The following PPME1 variants were observed in gnomAD, a reference collection of about 807,000 sequenced individuals.
PPME1 encodes the protein testicular secretory protein Li 39.
In PPME1, 17 loss-of-function variants were observed where a neutral mutation model predicts 56.9. The observed-to-expected ratio is 0.30, with a 90% CI of 0.20 to 0.45. The LOEUF (loss-of-function observed/expected upper bound fraction) is 0.45. Ranked by LOEUF, PPME1 falls within the 20% of genes least tolerant of loss-of-function variation. The pLI is 1.00. For missense variants in PPME1, 357 were observed against 483.2 expected (o/e 0.74, Z 2.45); for synonymous variants, 122 against 156.2 (o/e 0.78, Z 1.63).
At chr11:74,173,178 A>G (rs1269640933) in intron 1 of PPME1, among the ~76,000 whole-genome samples, 1 of 152,232 alleles carries the variant, frequency 6.6e-6, no homozygotes, top group Non-Finnish European at 1.5e-5. Context: ...AAGTTGGACT[A>G]TAACATGAAT....
intron 1 of PPME1, chr11:74,198,942 T>C (rs578108814): frequency 6.6e-6 from 1 of 152,306 alleles, no homozygotes; most frequent in African/African-American, 2.4e-5. Context: ...AAAGAACATA[T>C]ATTCCCCATT....
At chr11:74,190,699 T>C (rs1278268913) in intron 1 of PPME1, among the ~76,000 whole-genome samples, 4 of 151,984 alleles carry the variant, frequency 2.6e-5, no homozygotes, top group African/African-American at 9.7e-5. Context: ...CGGGCAGAGG[T>C]TGGAAGAGTT....
chr11:74,191,266 G>A (rs1857829861), intron 1 of PPME1, among the ~76,000 whole-genome samples: 1 of 152,210 alleles, frequency 6.6e-6, no homozygotes, highest in African/African-American at 2.4e-5. Flanking sequence ...CTGAAGTCTG[G>A]GAGATTGAAG....
chr11:74,245,128 A>G (rs76605269), intron 9 of PPME1, among the ~76,000 whole-genome samples: 9,299 of 151,894 alleles, frequency 0.061, 490 homozygotes, highest in African/African-American at 0.14. Flanking sequence ...GAGTTCTCCA[A>G]TTTTGTTCTT....
chr11:74,171,660 A>G, intron 1 of PPME1, 138 bp downstream of exon 1: 1 of 1,142,568 alleles, frequency 8.8e-7, no homozygotes, highest in Non-Finnish European at 1.2e-6. Context: ...ATTTAGATGG[A>G]GTAGAAGGCA....
intron 9 of PPME1, among the ~76,000 whole-genome samples, chr11:74,245,002 T>C (rs1306282730): frequency 6.6e-6 from 1 of 152,210 alleles, no homozygotes; most frequent in Admixed American, 6.5e-5. Flanking sequence ...CAAAAATCAT[T>C]TGACTATTTA....
chr11:74,213,605 C>T (rs1858538616), intron 3 of PPME1, among the ~76,000 whole-genome samples: 1 of 152,208 alleles, frequency 6.6e-6, no homozygotes, highest in Non-Finnish European at 1.5e-5. Flanking sequence ...TGTGTCACTC[C>T]ACCCCCAGCT....
chr11:74,251,173 G>T, intron 12 of PPME1, 155 bp downstream of exon 12: 1 of 1,465,794 alleles, frequency 6.8e-7, no homozygotes, highest in Non-Finnish European at 9.0e-7. Flanking sequence ...ACTTCTCCCT[G>T]GCAGCTGCTT....
chr11:74,213,573 T>A (rs1379545056), intron 3 of PPME1, among the ~76,000 whole-genome samples: 1 of 152,228 alleles, frequency 6.6e-6, no homozygotes, highest in Non-Finnish European at 1.5e-5. Flanking sequence ...ACAGTCCTAG[T>A]GCTGGTGGCC....
intron 1 of PPME1, among the ~76,000 whole-genome samples, chr11:74,199,786 G>T (rs1858099839): frequency 6.6e-6 from 1 of 152,202 alleles, no homozygotes; most frequent in Non-Finnish European, 1.5e-5. Context: ...AATCATGGTG[G>T]AAGGAAATAG....
chr11:74,207,074 G>T (rs1858347639), intron 3 of PPME1, among the ~76,000 whole-genome samples: 1 of 152,152 alleles, frequency 6.6e-6, no homozygotes, highest in South Asian at 2.1e-4. Flanking sequence ...TTTCTTTGAA[G>T]ACTGCTTTTA....
At chr11:74,239,029 T>C in intron 8 of PPME1, 104 bp from the exon 9 acceptor site, 1 of 1,161,938 alleles carries the variant, frequency 8.6e-7, no homozygotes, top group African/African-American at 1.5e-5. Context: ...GATTGTTAAG[T>C]TTTAGCTAAC....
chr11:74,250,705 C>T (rs963107650), intron 11 of PPME1: 10 of 462,172 alleles, frequency 2.2e-5, no homozygotes, highest in Non-Finnish European at 3.9e-5. Flanking sequence ...ACTGTTTCTT[C>T]TATGTGTCTC....
chr11:74,180,378 C>T (rs951941876), intron 1 of PPME1, among the ~76,000 whole-genome samples: 1 of 152,150 alleles, frequency 6.6e-6, no homozygotes, highest in Non-Finnish European at 1.5e-5. Flanking sequence ...TTAGTGCTAA[C>T]TGAACGAGAA....
intron 1 of PPME1, among the ~76,000 whole-genome samples, chr11:74,199,537 TG>T (rs1858091637): frequency 1.3e-5 from 2 of 152,242 alleles, no homozygotes; most frequent in African/African-American, 4.8e-5. Context: ...TTCACGAGTG[TG>T]ATAATAGTGC....
intron 1 of PPME1, among the ~76,000 whole-genome samples, chr11:74,177,335 G>A (rs1857424833): frequency 6.6e-6 from 1 of 151,884 alleles, no homozygotes; most frequent in African/African-American, 2.4e-5. Flanking sequence ...GGTGGTGTGT[G>A]CCTGTAGTCC....
intron 3 of PPME1, among the ~76,000 whole-genome samples, chr11:74,221,884 A>C (rs1345488134): frequency 6.6e-6 from 1 of 152,118 alleles, no homozygotes; most frequent in Non-Finnish European, 1.5e-5. Context: ...AGCAAATTTC[A>C]TGATTTGATT....
At chr11:74,235,747 G>A in intron 7 of PPME1, 154 bp from the exon 8 acceptor site, 1 of 1,192,864 alleles carries the variant, frequency 8.4e-7, no homozygotes, top group Non-Finnish European at 1.1e-6. Context: ...ATGTAGCCAG[G>A]TGAGTAATAG....
intron 9 of PPME1, among the ~76,000 whole-genome samples, chr11:74,241,283 T>A (rs34895949): frequency 6.6e-6 from 1 of 152,162 alleles, no homozygotes; most frequent in Non-Finnish European, 1.5e-5. Context: ...AATAAAATTA[T>A]CAGGGTTCAT....
Sources: allele counts gnomAD v4.1 joint callset (sites outside exome capture counted in the v4.1 genomes callset), GRCh38; gene constraint gnomAD v4.1.1; transcripts MANE v1.5; gene names NCBI Gene and HGNC (gene_info 2026-07-23, HGNC 2026-07-21).